Variants in SRGAP3 observed in about 807,000 individuals in gnomAD.
SRGAP3 encodes SLIT-ROBO Rho GTPase activating protein 3.
In SRGAP3, 39 loss-of-function variants were observed where a neutral mutation model predicts 121.1. The observed-to-expected ratio is 0.32, with a 90% CI of 0.25 to 0.42. The LOEUF (loss-of-function observed/expected upper bound fraction) is 0.42. Among genes scored for constraint, SRGAP3 ranks in the 10% least tolerant of loss-of-function variants. The pLI is 1.00. For synonymous variants in SRGAP3, 601 were observed against 570.0 expected (o/e 1.05, Z -0.77); for missense variants, 1,213 against 1,470.6 (o/e 0.82, Z 2.86).
chr3:9,269,074 C>A (rs1183344815), intron 3 of SRGAP3, among the ~76,000 whole-genome samples: 2 of 152,168 alleles, frequency 1.3e-5, no homozygotes, highest in Non-Finnish European at 2.9e-5. Flanking sequence ...ACTGTGTGAC[C>A]TTGGGCAAGT....
chr3:9,202,278 G>A (rs567196145), intron 1 of SRGAP3, among the ~76,000 whole-genome samples: 2 of 152,254 alleles, frequency 1.3e-5, no homozygotes, highest in East Asian at 1.9e-4. Flanking sequence ...ACTCTTCCTT[G>A]ATGAAGGAAG....
intron 3 of SRGAP3, among the ~76,000 whole-genome samples, chr3:9,298,260 G>T (rs1242405006): frequency 1.3e-5 from 2 of 152,230 alleles, no homozygotes; most frequent in Non-Finnish European, 2.9e-5. Context: ...ATGTGCTCAA[G>T]AAATGTAGGT....
In SRGAP3 at chr3:9,013,810, T is replaced by C. The variant is rs1559913418; in HGVS notation, c.1846A>G (p.Ile616Val). ...GGAAGGGTGACGAGGATTTGTTGGA[T>C]CTGGTGCACCCTCTCGGCTGGGTTC... ...LENPAERVHQ[I>V]QQILVTLPRV... Residue 616 changes from isoleucine (I) to valine (V), a missense_variant, in exon 16 of 22, where the codon ATC becomes GTC. By Grantham distance (29) the Ile-to-Val change is conservative. Coordinates refer to ENST00000383836, the MANE Select transcript of SRGAP3 (RefSeq NM_014850.4). 1.2e-6 allele frequency: 2 copies of C among 1,614,054 alleles called. No individual in the cohort carries two copies. The highest frequency in any genetic ancestry group is 1.7e-6 in the Non-Finnish European group (2 of 1,180,032).
At chr3:8,997,242 A>T (rs142240460) in intron 18 of SRGAP3, among the ~76,000 whole-genome samples, 1 of 152,192 alleles carries the variant, frequency 6.6e-6, no homozygotes, top group Non-Finnish European at 1.5e-5. Flanking sequence ...TCCCCATCTC[A>T]GGAAACAGAA....
chr3:9,170,176 T>C (rs1575178820), intron 1 of SRGAP3, among the ~76,000 whole-genome samples: 1 of 152,158 alleles, frequency 6.6e-6, no homozygotes, highest in East Asian at 1.9e-4. Flanking sequence ...TGGGTGAATG[T>C]CCGTAGAAGA....
At chr3:9,270,941 G>A (rs560892367) in intron 3 of SRGAP3, among the ~76,000 whole-genome samples, 1 of 152,294 alleles carries the variant, frequency 6.6e-6, no homozygotes, top group South Asian at 2.1e-4. Context: ...GTATGTGTAT[G>A]CTGTGCTGCC....
At chr3:9,090,408 A>AG (rs1370054939) in intron 3 of SRGAP3, among the ~76,000 whole-genome samples, 4 of 150,286 alleles carry the variant, frequency 2.7e-5, no homozygotes, top group Non-Finnish European at 4.4e-5. Context: ...TCTTTGCACA[A>AG]AAAAAAAAAA....
intron 3 of SRGAP3, among the ~76,000 whole-genome samples, chr3:9,097,162 T>A (rs114959561): frequency 0.02 from 3,028 of 151,394 alleles, 45 homozygotes; most frequent in Non-Finnish European, 0.031. Flanking sequence ...GGCTAATTTT[T>A]AATTTTTCTG....
chr3:9,104,916 T>A, intron 2 of SRGAP3, 74 bp from the exon 3 acceptor site: 1 of 1,588,250 alleles, frequency 6.3e-7, no homozygotes, highest in African/African-American at 1.3e-5. Context: ...TGTCACCCAC[T>A]TCAGCTCTTT....
Position 9,276,829 on chromosome 3 carries a change from T to C in SRGAP3, n.442+49181A>G, listed in dbSNP as rs150163018. Among the ~76,000 whole-genome samples, 22 of 152,328 alleles carry C rather than the reference T, an allele frequency of 1.4e-4. No individual in the cohort carries two copies. In the East Asian group the frequency reaches 4.1e-3, roughly 28 times the overall value. On this transcript the variant is annotated intron_variant and non_coding_transcript_variant, in intron 3 of 3. Coordinates refer to the SRGAP3 transcript ENST00000490889. ...CACTAGTTCCACTGCTTCAATTCTA[T>C]CCTAAATACTGGATGCTAAGGTCTC...
intron 3 of SRGAP3, among the ~76,000 whole-genome samples, chr3:9,089,134 GC>G (rs1486773089): frequency 6.6e-6 from 1 of 152,020 alleles, no homozygotes; most frequent in African/African-American, 2.4e-5. Context: ...CACGGTCCCT[GC>G]TCTCAAGCCT....
chr3:9,062,636 C>T (rs928592198), intron 5 of SRGAP3, among the ~76,000 whole-genome samples: 6 of 152,156 alleles, frequency 3.9e-5, no homozygotes, highest in East Asian at 1.9e-4. Context: ...TGTGGTCTTC[C>T]GTGACTGACT....
intron 1 of SRGAP3, among the ~76,000 whole-genome samples, chr3:9,150,775 C>A (rs184629487): frequency 6.6e-6 from 1 of 152,216 alleles, no homozygotes; most frequent in Admixed American, 6.5e-5. Flanking sequence ...AACATCTCAA[C>A]GGAGGCTGTG....
At chr3:9,073,866 T>C (rs577057107) in intron 4 of SRGAP3, among the ~76,000 whole-genome samples, 42 of 152,306 alleles carry the variant, frequency 2.8e-4, no homozygotes, top group African/African-American at 1.0e-3. Flanking sequence ...TGTGTGCTGA[T>C]TGATGGCTAA....
At chr3:9,296,048 T>C (rs1197200532) in intron 3 of SRGAP3, among the ~76,000 whole-genome samples, 1 of 152,242 alleles carries the variant, frequency 6.6e-6, no homozygotes, top group African/African-American at 2.4e-5. Context: ...CACTGATGGA[T>C]GTCTGGTGCT....
chr3:9,158,941 C>T (rs918946315), intron 1 of SRGAP3, among the ~76,000 whole-genome samples: 1 of 152,182 alleles, frequency 6.6e-6, no homozygotes, highest in African/African-American at 2.4e-5. Flanking sequence ...CTGACAGAGC[C>T]CATCGGCAGC....
chr3:9,044,168 G>A (rs1945144647), intron 10 of SRGAP3, among the ~76,000 whole-genome samples: 1 of 152,196 alleles, frequency 6.6e-6, no homozygotes, highest in Non-Finnish European at 1.5e-5. Flanking sequence ...AAGACCTTGG[G>A]TTTCATCTAA....
intron 1 of SRGAP3, among the ~76,000 whole-genome samples, chr3:9,184,962 G>A (rs1167225073): frequency 6.6e-6 from 1 of 152,172 alleles, no homozygotes; most frequent in Non-Finnish European, 1.5e-5. Flanking sequence ...TGGGCTGGCT[G>A]TTGTATTGGT....
chr3:9,145,142 A>C (rs759287446), intron 1 of SRGAP3, among the ~76,000 whole-genome samples: 1 of 151,992 alleles, frequency 6.6e-6, no homozygotes, highest in East Asian at 1.9e-4. Flanking sequence ...GTCATCCAGG[A>C]TGGAGTGCAG....
Sources: allele counts gnomAD v4.1 joint callset (sites outside exome capture counted in the v4.1 genomes callset), GRCh38; gene constraint gnomAD v4.1.1; transcripts MANE v1.5; gene names NCBI Gene and HGNC (gene_info 2026-07-23, HGNC 2026-07-21).